The following PCP4 variants were observed in gnomAD, a reference collection of about 807,000 sequenced individuals.
PCP4 encodes calmodulin regulator protein PCP4.
In PCP4, 8 loss-of-function variants were observed where a neutral mutation model predicts 10.0. That is an observed-to-expected ratio of 0.80 (90% CI 0.47 to 1.45). The LOEUF is 1.45. PCP4 is among the 40% of genes most tolerant of loss of function. PCP4 has a pLI of 0.00. For synonymous variants in PCP4, 21 were observed against 23.0 expected, an observed-to-expected ratio of 0.91 and a Z score of 0.24; for missense variants, 54 against 74.4, an observed-to-expected ratio of 0.73 and a Z score of 1.01.
intron 1 of PCP4, among the ~76,000 whole-genome samples, chr21:39,893,539 C>T (rs1345847412): frequency 1.3e-5 from 2 of 152,256 alleles, no homozygotes; most frequent in Non-Finnish European, 2.9e-5. Context: ...AGAGGCATCT[C>T]ATCTGCCTCC....
chr21:39,910,152 G>A lies in PCP4; in HGVS notation c.61+11625G>A, dbSNP rs371781581. 8.1e-4 allele frequency among the ~76,000 whole-genome samples: 123 copies of A among 152,194 alleles called. 3 individuals are homozygous for A. The South Asian group carries it at 0.024, about 30-fold the overall frequency. ...ATTGGAAATCGAATCATGCTCTGGC[G>A]TTCATTTAGACAGCAAAGTCTCCTC... On this transcript the variant is annotated intron_variant, in intron 2 of 2. Coordinates refer to ENST00000328619, the MANE Select transcript of PCP4 (RefSeq NM_006198.3).
intron 1 of PCP4, among the ~76,000 whole-genome samples, chr21:39,871,483 G>A (rs935377905): frequency 6.6e-6 from 1 of 152,150 alleles, no homozygotes; most frequent in Non-Finnish European, 1.5e-5. Context: ...CAGCAACAAA[G>A]GTCAAATGAC....
At chr21:39,892,126 A>C (rs995534861) in intron 1 of PCP4, among the ~76,000 whole-genome samples, 4 of 152,188 alleles carry the variant, frequency 2.6e-5, no homozygotes, top group Non-Finnish European at 4.4e-5. Context: ...TTACCGCTTG[A>C]TCAAGGAGCC....
chr21:39,887,061 T>C (rs1270246333), intron 1 of PCP4, among the ~76,000 whole-genome samples: 1 of 152,164 alleles, frequency 6.6e-6, no homozygotes, highest in Non-Finnish European at 1.5e-5. Flanking sequence ...TTTAAAAATA[T>C]AGCTGTGAAA....
intron 2 of PCP4, among the ~76,000 whole-genome samples, chr21:39,922,684 C>T (rs908011929): frequency 4.6e-5 from 7 of 152,194 alleles, no homozygotes; most frequent in African/African-American, 1.7e-4. Context: ...GGAAAAGCCT[C>T]ATTGCCTGGA....
rs1169082351 is a variant in PCP4 at position 39,929,030 on chromosome 21, A to C, written c.108A>C (p.Ala36=). Reference sequence around the variant, plus strand: ...AAGAATTTGACATTGACATGGATGCACCAGAGACAGAACGTGCAGCGGTGG... The same window carrying C: ...AAGAATTTGACATTGACATGGATGCCCCAGAGACAGAACGTGCAGCGGTGG... ...VQEEFDIDMD[A]PETERAAVAI... is the part of the protein sequence containing the mutation. Residue 36 remains alanine (A), a synonymous_variant, in exon 3 of 3, where the codon GCA becomes GCC. Transcript: ENST00000328619. 2 of 1,613,390 alleles carry C rather than the reference A, an allele frequency of 1.2e-6. No individual in the cohort carries two copies. The highest frequency in any genetic ancestry group is 1.7e-6 in the Non-Finnish European group (2 of 1,179,706).
intron 2 of PCP4, among the ~76,000 whole-genome samples, chr21:39,928,270 C>T (rs751627381): frequency 3.3e-5 from 5 of 152,088 alleles, no homozygotes; most frequent in South Asian, 2.1e-4. Flanking sequence ...TTTGTTTTTC[C>T]GTCTTGGCTG....
At chr21:39,888,839 G>A in intron 1 of PCP4, among the ~76,000 whole-genome samples, 1 of 152,192 alleles carries the variant, frequency 6.6e-6, no homozygotes, top group East Asian at 1.9e-4. Context: ...GCTGAGTCTG[G>A]GTACCTGTCT....
intron 2 of PCP4, among the ~76,000 whole-genome samples, chr21:39,911,526 T>C (rs980049781): frequency 6.6e-6 from 1 of 152,212 alleles, no homozygotes; most frequent in Admixed American, 6.5e-5. Flanking sequence ...AAAGTGTGAC[T>C]GCGATCTTTC....
intron 1 of PCP4, among the ~76,000 whole-genome samples, chr21:39,884,755 G>A (rs1463085868): frequency 1.3e-5 from 2 of 152,008 alleles, no homozygotes. Flanking sequence ...TGGAGATCAT[G>A]CCACTGCACT....
intron 2 of PCP4, among the ~76,000 whole-genome samples, chr21:39,908,839 G>A (rs2299774): frequency 0.38 from 57,132 of 152,018 alleles, 10,864 homozygotes; most frequent in South Asian, 0.47. Context: ...GTGGAGAGGC[G>A]CCAAGGAGCC....
intron 2 of PCP4, among the ~76,000 whole-genome samples, chr21:39,913,128 T>C (rs9983735): frequency 0.32 from 48,888 of 152,132 alleles, 9,006 homozygotes; most frequent in Middle Eastern, 0.41. Context: ...TTTATAAATA[T>C]AAGAACTCAT....
At chr21:39,889,073 G>A (rs982369713) in intron 1 of PCP4, among the ~76,000 whole-genome samples, 6 of 152,178 alleles carry the variant, frequency 3.9e-5, no homozygotes, top group Non-Finnish European at 8.8e-5. Flanking sequence ...ACGGGGCCGA[G>A]AGGGAACGCC....
intron 1 of PCP4, among the ~76,000 whole-genome samples, chr21:39,887,904 C>G (rs573620741): frequency 6.6e-6 from 1 of 152,322 alleles, no homozygotes; most frequent in South Asian, 2.1e-4. Context: ...CATTTTGTGT[C>G]TCTGCTGTGT....
At chr21:39,903,486 C>T (rs549511396) in intron 2 of PCP4, among the ~76,000 whole-genome samples, 2 of 152,292 alleles carry the variant, frequency 1.3e-5, no homozygotes, top group East Asian at 1.9e-4. Context: ...GGGCTCCATG[C>T]TTGAATACCT....
At chr21:39,916,725 A>G (rs1264332187) in intron 2 of PCP4, among the ~76,000 whole-genome samples, 1 of 152,242 alleles carries the variant, frequency 6.6e-6, no homozygotes, top group Non-Finnish European at 1.5e-5. Flanking sequence ...AATGCCCATC[A>G]GTAATAGACT....
chr21:39,892,165 G>A (rs754035184), intron 1 of PCP4, among the ~76,000 whole-genome samples: 7 of 152,234 alleles, frequency 4.6e-5, no homozygotes, highest in Non-Finnish European at 1.0e-4. Context: ...GGGCGTGACA[G>A]AGGGCTCACC....
chr21:39,904,509 G>C (rs1601182893), intron 2 of PCP4, among the ~76,000 whole-genome samples: 1 of 152,350 alleles, frequency 6.6e-6, no homozygotes, highest in African/African-American at 2.4e-5. Flanking sequence ...ATGCCCGAGA[G>C]AGGAGGTCAG....
At chr21:39,905,909 G>T (rs1164288982) in intron 2 of PCP4, among the ~76,000 whole-genome samples, 1 of 152,184 alleles carries the variant, frequency 6.6e-6, no homozygotes, top group Non-Finnish European at 1.5e-5. Flanking sequence ...TTAGCCGGGG[G>T]TGTGGTGGTG....
Sources: allele counts gnomAD v4.1 joint callset (sites outside exome capture counted in the v4.1 genomes callset), GRCh38; gene constraint gnomAD v4.1.1; transcripts MANE v1.5; gene names NCBI Gene and HGNC (gene_info 2026-07-23, HGNC 2026-07-21).